The following TET3 variants were observed in gnomAD, a reference collection of about 807,000 sequenced individuals.
TET3 encodes the protein methylcytosine dioxygenase TET3.
Under a neutral mutation model 141.4 loss-of-function variants are expected in TET3, and 19 were observed. The observed-to-expected ratio is 0.13, with a 90% confidence interval of 0.09 to 0.20. The LOEUF (loss-of-function observed/expected upper bound fraction) is 0.20, where lower values mean the gene tolerates loss of function less well. Ranked by LOEUF, TET3 falls within the 10% of genes least tolerant of loss-of-function variation. The pLI is 1.00. For synonymous variants in TET3, 1,043 were observed against 980.9 expected, an observed-to-expected ratio of 1.06 and a Z score of -1.18; for missense variants, 1,874 against 2,356.9, an observed-to-expected ratio of 0.80 and a Z score of 4.24.
At chr2:74,060,894 A>T (rs1239740711) in intron 4 of TET3, among the ~76,000 whole-genome samples, 1 of 152,184 alleles carries the variant, frequency 6.6e-6, no homozygotes, top group Non-Finnish European at 1.5e-5. Flanking sequence ...AACAAAGTGA[A>T]AAGTCTCCCA....
chr2:74,118,736 A>G, the TET3 span, among the ~76,000 whole-genome samples: 2 of 152,144 alleles, frequency 1.3e-5, no homozygotes, highest in South Asian at 2.1e-4. Context: ...TATATAACAC[A>G]TATATATGAA....
chr2:74,073,654 G>A lies in TET3; in HGVS notation c.2585+15G>A. On this transcript the variant is annotated intron_variant, in intron 5 of 11. Transcript: ENST00000409262. ...ATGGAGGAGCGGTGAGTGATACACA[G>A]ATGTCCAAGGAGAAATGGATGTGCT... The A allele has an allele frequency of 4.4e-6, 7 of 1,585,734 alleles. No individual in the cohort carries two copies. The highest frequency in any genetic ancestry group is 6.0e-6 in the Non-Finnish European group (7 of 1,164,778).
chr2:74,086,449 A>C (rs1252941177), intron 6 of TET3, among the ~76,000 whole-genome samples: 1 of 152,138 alleles, frequency 6.6e-6, no homozygotes, highest in Admixed American at 6.5e-5. Context: ...TGAAGCATAT[A>C]ATTCAATGGT....
rs1235299870 is a variant in TET3 at position 74,047,156 on chromosome 2, G to A, written c.1239G>A (p.Glu413=). The A allele has an allele frequency of 1.2e-6, 2 of 1,613,804 alleles. No homozygotes were observed. Among genetic ancestry groups the A allele is most frequent in the African/African-American group, 2.7e-5 (2 of 74,892 alleles). The change falls in exon 4 of 12, where the codon GAG becomes GAA. Residue 413 remains glutamate, a synonymous_variant. Transcript: ENST00000409262. The part of the protein sequence containing the change: ...APSWPVVPPE[E]HSSFAPDSSA... ...CATGGCCTGTGGTTCCTCCTGAAGA[G>A]CACTCATCTTTTGCTCCTGATAGCT...
rs368155924 is a variant in TET3, at chr2:74,025,496, C to T, written c.361-20782C>T. Among the ~76,000 whole-genome samples, 60 of 151,966 alleles carry T rather than the reference C, an allele frequency of 3.9e-4. 1 individual carries two copies. The East Asian group carries it at 5.7e-3, about 14-fold the overall frequency. On this transcript the variant is annotated intron_variant, in intron 3 of 11. Coordinates refer to ENST00000409262, the MANE Select transcript of TET3 (RefSeq NM_001287491.2). ...TAGAGACGGGGTTTCACCTTGTTAGCCAGGATGGTCTCGATCTCCTGATGT... is the reference window on the plus strand; with the variant it reads ...TAGAGACGGGGTTTCACCTTGTTAGTCAGGATGGTCTCGATCTCCTGATGT...
intron 4 of TET3, among the ~76,000 whole-genome samples, chr2:74,061,251 C>A (rs1688525293): frequency 1.4e-5 from 2 of 143,176 alleles, no homozygotes; most frequent in Admixed American, 6.9e-5. Context: ...GGCTGACCCC[C>A]CCACTTCCCT....
chr2:74,016,538 A>G lies in TET3; in HGVS notation c.360+13372A>G, dbSNP rs58531128. Among the ~76,000 whole-genome samples the G allele has an allele frequency of 9.2e-3, 1,397 of 152,202 alleles. 143 individuals carry two copies. In the East Asian group the frequency reaches 0.22, roughly 24 times the overall value. On this transcript the variant is annotated intron_variant, in intron 3 of 11. Transcript: ENST00000409262. ...GGAGTTCCAGACCAGCCTGGCCAACATGGTGAAACTTTGTCTCTACTAAAA... is the reference window on the plus strand; with the variant it reads ...GGAGTTCCAGACCAGCCTGGCCAACGTGGTGAAACTTTGTCTCTACTAAAA...
rs1684028931 is a variant in TET3, at chr2:73,986,427, G to A, written c.24G>A (p.Leu8=). ...TCATGAGCCAGTTTCAGGTGCCCCTGGCCGTCCAGCCGGACCTGCCAGGCC... is the reference window on the plus strand; with the variant it reads ...TCATGAGCCAGTTTCAGGTGCCCCTAGCCGTCCAGCCGGACCTGCCAGGCC... MSQFQVP[L]AVQPDLPGLY... Residue 8 remains leucine (L), a synonymous_variant, in exon 2 of 12, where the codon CTG becomes CTA. Transcript: ENST00000409262. 4.9e-6 allele frequency: 6 copies of A among 1,232,204 alleles called. No homozygotes were observed. In the East Asian group the frequency reaches 1.6e-4, roughly 32 times the overall value. 76.3% of individuals were successfully genotyped at this position (1,232,204 alleles called of 1,614,324 possible).
At chr2:74,018,349 A>G (rs181404553) in intron 3 of TET3, among the ~76,000 whole-genome samples, 25 of 152,264 alleles carry the variant, frequency 1.6e-4, no homozygotes, top group African/African-American at 6.0e-4. Flanking sequence ...TTACGTTTTG[A>G]AAAAAATTTT....
At chr2:74,113,079 T>C (rs1474767542), downstream of TET3, among the ~76,000 whole-genome samples, 1 of 148,690 alleles carries the variant, frequency 6.7e-6, no homozygotes, top group Non-Finnish European at 1.5e-5. Flanking sequence ...CTGAAAGCTT[T>C]TCCTCTGAGA....
intron 3 of TET3, among the ~76,000 whole-genome samples, chr2:74,005,281 C>T (rs912585760): frequency 2.0e-5 from 3 of 152,204 alleles, no homozygotes; most frequent in African/African-American, 4.8e-5. Context: ...GCCTTCCTAA[C>T]AAGTCTTTCT....
intron 3 of TET3, among the ~76,000 whole-genome samples, chr2:74,033,591 C>T (rs760889781): frequency 3.9e-5 from 6 of 152,136 alleles, no homozygotes; most frequent in Non-Finnish European, 5.9e-5. Flanking sequence ...TAAACCACTG[C>T]AATAAAGTGA....
rs183349336 is a variant in TET3 at position 74,020,098 on chromosome 2, C to T, written c.360+16932C>T. 2.0e-5 allele frequency among the ~76,000 whole-genome samples: 3 copies of T among 152,316 alleles called. No individual in the cohort carries two copies. The East Asian group carries it at 5.8e-4, about 29-fold the overall frequency. ...TGCCTTTCTTTTTTCTTCTACTATT[C>T]TCCTCCAGAGTATATGCATCCCCCC... is the stretch of plus-strand genomic sequence containing the variant. On this transcript the variant is annotated intron_variant, in intron 3 of 11. Transcript: ENST00000409262.
chr2:73,986,377 A>G lies in TET3; in HGVS notation c.-27A>G, dbSNP rs572758021. On this transcript the variant is annotated 5_prime_UTR_variant, in exon 2 of 12. Transcript: ENST00000409262. ...GAAACGACTGTGGTTCTGCCCCAGCACCTATGACCCCACCTCTGGCAGCAT... is the reference window on the plus strand; with the variant it reads ...GAAACGACTGTGGTTCTGCCCCAGCGCCTATGACCCCACCTCTGGCAGCAT... 72 of 1,232,058 alleles carry G rather than the reference A, an allele frequency of 5.8e-5. 1 individual carries two copies. In the South Asian group the frequency reaches 2.6e-3, roughly 44 times the overall value. 76.3% of individuals were successfully genotyped at this position (1,232,058 alleles called of 1,614,324 possible).
intron 5 of TET3, 83 bp from the exon 6 acceptor site, chr2:74,080,415 C>CA (rs1689743545): frequency 8.3e-7 from 1 of 1,206,892 alleles, no homozygotes; most frequent in African/African-American, 1.5e-5. Flanking sequence ...CAAACAAAAG[C>CA]ACACTGAGGC....
At position 74,017,651 on chromosome 2, in the gene TET3, C is replaced by T. The variant is rs568361226; in HGVS notation, c.360+14485C>T. On this transcript the variant is annotated intron_variant, in intron 3 of 11. Coordinates refer to ENST00000409262, the MANE Select transcript of TET3 (RefSeq NM_001287491.2). ...GTTCTTTATCCATTGACTGATACTT[C>T]GGTCGATTCCATATCTTGGATGTTG... Among the ~76,000 whole-genome samples the T allele has an allele frequency of 9.2e-5, 14 of 152,258 alleles. No individual in the cohort carries two copies. In the South Asian group the frequency reaches 2.7e-3, roughly 29 times the overall value.
chr2:74,120,845 G>A, the TET3 span: 6 of 152,300 alleles, frequency 3.9e-5, no homozygotes, highest in East Asian at 5.8e-4. Flanking sequence ...AATACATTAC[G>A]TAAAACTCTC....
intron 4 of TET3, among the ~76,000 whole-genome samples, chr2:74,050,079 C>T (rs922534936): frequency 2.6e-5 from 4 of 152,166 alleles, no homozygotes; most frequent in Admixed American, 1.3e-4. Context: ...CCTTCTACAA[C>T]GTGGGAAATA....
At chr2:74,032,451 CTG>C (rs61217149) in intron 3 of TET3, among the ~76,000 whole-genome samples, 2,413 of 71,860 alleles carry the variant, frequency 0.034, 102 homozygotes, top group East Asian at 0.13. Context: ...GGGTGTGTCT[CTG>C]TGTGTGTGTG....
Sources: allele counts gnomAD v4.1 joint callset (sites outside exome capture counted in the v4.1 genomes callset), GRCh38; gene constraint gnomAD v4.1.1; transcripts MANE v1.5; gene names NCBI Gene and HGNC (gene_info 2026-07-23, HGNC 2026-07-21).